FREM2: variants seen among roughly 807,000 people sequenced by gnomAD.
The protein encoded by FREM2 is FRAS1 related extracellular matrix 2, also known as FRAS1-related extracellular matrix protein 2.
A neutral mutation model predicts 219.9 loss-of-function variants in FREM2; 119 were observed. That is an observed-to-expected ratio of 0.54 (90% confidence interval 0.47 to 0.63). The LOEUF is 0.63. Among genes scored for constraint, FREM2 ranks in the 30% least tolerant of loss-of-function variants. The probability of loss-of-function intolerance (pLI) is 0.00; values close to 1 mark genes in which losing one functional copy is unlikely to be tolerated. For synonymous variants in FREM2, 1,562 were observed against 1,522.8 expected (o/e 1.03, Z -0.60); for missense variants, 4,030 against 3,993.6 (o/e 1.01, Z -0.25).
At chr13:38,809,096 T>C (rs978854916) in intron 6 of FREM2, among the ~76,000 whole-genome samples, 2 of 151,608 alleles carry the variant, frequency 1.3e-5, no homozygotes, top group African/African-American at 4.8e-5. Context: ...AAATTGTTAT[T>C]TTTTTTCTTT....
intron 2 of FREM2, among the ~76,000 whole-genome samples, chr13:38,759,346 A>G (rs1873139507): frequency 6.6e-6 from 1 of 152,088 alleles, no homozygotes; most frequent in South Asian, 2.1e-4. Context: ...AAATTGTGGC[A>G]CTAGTTTCAT....
chr13:38,689,819 G>A lies in FREM2; in HGVS notation c.2475G>A (p.Val825=), dbSNP rs1165274768. 1.9e-6 allele frequency: 3 copies of A among 1,614,088 alleles called. No homozygotes were observed. The highest frequency in any genetic ancestry group is 4.5e-5 in the East Asian group (2 of 44,868). Residue 825 remains valine, a synonymous_variant, in exon 1 of 24, where the codon GTG becomes GTA. Coordinates refer to ENST00000280481, the MANE Select transcript of FREM2 (RefSeq NM_207361.6). ...CCTTTACCCTTTACTTGCATCCCGT[G>A]GACAACCAGCCACCTGAGATCCTCA... ...PGTFTLYLHP[V]DNQPPEILNT...
In FREM2 at chr13:38,687,297, A is replaced by T. The variant is rs1400701248; in HGVS notation, c.-48A>T. 1.3e-6 allele frequency: 2 copies of T among 1,557,224 alleles called. No homozygotes were observed. The highest frequency in any genetic ancestry group is 2.7e-5 in the African/African-American group (2 of 72,950). ...TCTCTTGTTGTCTGCCCGGGGACCG[A>T]CTTCGCATGCTCTCAGGCTGACCTG... On this transcript the variant is annotated 5_prime_UTR_variant, in exon 1 of 24. Coordinates refer to ENST00000280481, the MANE Select transcript of FREM2 (RefSeq NM_207361.6).
Position 38,689,158 on chromosome 13 carries a change from T to C in FREM2, c.1814T>C (p.Leu605Ser). The C allele has an allele frequency of 6.2e-7, 1 of 1,613,944 alleles. No homozygotes were observed. Among genetic ancestry groups the C allele is most frequent in the Non-Finnish European group, 8.5e-7 (1 of 1,180,020 alleles). Residue 605 changes from leucine (L) to serine (S), a missense_variant, in exon 1 of 24, where the codon TTA (leucine) becomes TCA (serine). Coordinates refer to ENST00000280481, the MANE Select transcript of FREM2 (RefSeq NM_207361.6). ...CTTTTTGTGCTGGAGTCACCCTTCTTAACTACGGGGCATCTGCTTCTCCGC... is the reference window on the plus strand; with the variant it reads ...CTTTTTGTGCTGGAGTCACCCTTCTCAACTACGGGGCATCTGCTTCTCCGC... ...LLLFVLESPF[L>S]TTGHLLLRQT... is the part of the protein sequence containing the mutation.
intron 2 of FREM2, among the ~76,000 whole-genome samples, chr13:38,738,565 C>CAAAA (rs71074478): frequency 2.1e-5 from 1 of 48,462 alleles, no homozygotes; most frequent in Non-Finnish European, 4.3e-5. Context: ...GACTCCATCT[C>CAAAA]AAAAAAAAAA....
intron 6 of FREM2, among the ~76,000 whole-genome samples, chr13:38,799,595 G>C (rs902382022): frequency 1.3e-5 from 2 of 151,936 alleles, no homozygotes; most frequent in South Asian, 2.1e-4. Context: ...ATTGCTGTCT[G>C]TGTTTTTCTT....
chr13:38,819,352 T>C (rs138505534), intron 6 of FREM2, among the ~76,000 whole-genome samples: 1 of 152,264 alleles, frequency 6.6e-6, no homozygotes, highest in Admixed American at 6.5e-5. Context: ...TTCACCACCA[T>C]TACCAGAAAA....
At chr13:38,710,500 C>T (rs1375186662) in intron 2 of FREM2, among the ~76,000 whole-genome samples, 1 of 152,158 alleles carries the variant, frequency 6.6e-6, no homozygotes, top group Non-Finnish European at 1.5e-5. Flanking sequence ...GTTAATCAAT[C>T]GAGATGCATT....
chr13:38,846,695 C>T lies in FREM2; in HGVS notation c.6142C>T (p.Arg2048Trp), dbSNP rs768764795. 59 of 1,613,624 alleles carry T rather than the reference C, an allele frequency of 3.7e-5. No individual in the cohort carries two copies. Among genetic ancestry groups the T allele is most frequent in the East Asian group, 2.7e-4 (12 of 44,876 alleles). ...SKSSSVTVRS[R>W]KTDPPSADAG... is the part of the protein sequence containing the mutation. ...GTCTTCTAGTGTCACAGTGAGGTCT[C>T]GGAAAACAGATCCTCCCTCTGCAGA... Residue 2048 changes from arginine to tryptophan, a missense_variant, in exon 7 of 24, where the codon CGG becomes TGG. By Grantham distance (101) the Arg-to-Trp change is moderately radical. Coordinates refer to ENST00000280481, the MANE Select transcript of FREM2 (RefSeq NM_207361.6).
At chr13:38,760,465 A>G (rs192294224) in intron 2 of FREM2, among the ~76,000 whole-genome samples, 1 of 152,316 alleles carries the variant, frequency 6.6e-6, no homozygotes, top group Admixed American at 6.5e-5. Flanking sequence ...AACCATCCAC[A>G]AAGGAAGTGG....
intron 11 of FREM2, among the ~76,000 whole-genome samples, chr13:38,852,320 G>A (rs183237463): frequency 1.7e-4 from 26 of 152,218 alleles, no homozygotes; most frequent in African/African-American, 6.0e-4. Context: ...AACACAATGG[G>A]ATTTATTTCC....
chr13:38,842,494 A>G (rs1336852281), intron 6 of FREM2, among the ~76,000 whole-genome samples: 1 of 152,214 alleles, frequency 6.6e-6, no homozygotes, highest in East Asian at 1.9e-4. Context: ...TGGATTGATT[A>G]GGCAATACAG....
intron 1 of FREM2, among the ~76,000 whole-genome samples, chr13:38,696,332 G>T (rs1870105213): frequency 1.3e-5 from 2 of 152,118 alleles, no homozygotes; most frequent in Non-Finnish European, 2.9e-5. Flanking sequence ...CTGTAAAGTG[G>T]AGCTATAGAA....
At chr13:38,778,178 T>C (rs1224490576) in intron 4 of FREM2, among the ~76,000 whole-genome samples, 1 of 152,180 alleles carries the variant, frequency 6.6e-6, no homozygotes, top group Non-Finnish European at 1.5e-5. Context: ...TAGAATGAAT[T>C]ATGAATAATC....
chr13:38,747,783 G>A (rs1456421962), intron 2 of FREM2, among the ~76,000 whole-genome samples: 1 of 152,128 alleles, frequency 6.6e-6, no homozygotes, highest in Non-Finnish European at 1.5e-5. Context: ...AGGAAAAAGT[G>A]CAGACTAGGA....
intron 4 of FREM2, among the ~76,000 whole-genome samples, chr13:38,772,547 A>G (rs1311957389): frequency 1.3e-5 from 2 of 152,196 alleles, no homozygotes; most frequent in East Asian, 1.9e-4. Context: ...AGCACATTAT[A>G]TACGTTCTCT....
chr13:38,690,017 C>T lies in FREM2; in HGVS notation c.2673C>T (p.His891=). The change falls in exon 1 of 24, where the codon CAC becomes CAT. Residue 891 remains histidine (H), a synonymous_variant. Coordinates refer to ENST00000280481, the MANE Select transcript of FREM2 (RefSeq NM_207361.6). ...TCCTGCATGTAGGGGGTCTCTTCCA[C>T]TTGGAGGACATAAAACAGGGCCGAG... ...GQILHVGGLF[H]LEDIKQGRVS... The T allele has an allele frequency of 6.2e-7, 1 of 1,614,016 alleles. No individual in the cohort carries two copies. Among genetic ancestry groups the T allele is most frequent in the Non-Finnish European group, 8.5e-7 (1 of 1,180,026 alleles).
chr13:38,687,778 G>C lies in FREM2; in HGVS notation c.434G>C (p.Ser145Thr). The C allele has an allele frequency of 6.5e-7, 1 of 1,537,648 alleles. No homozygotes were observed. The highest frequency in any genetic ancestry group is 8.8e-7 in the Non-Finnish European group (1 of 1,138,358). The change falls in exon 1 of 24, where the codon AGC (serine) becomes ACC (threonine). Residue 145 changes from serine to threonine, a missense_variant. Ser to Thr is a moderately conservative substitution (Grantham distance 58). This residue lies in a region of FREM2 where 3,102 missense variants were observed against 2,950.7 expected (regional missense o/e 1.05). Transcript: ENST00000280481. ...EVRYSHLGAR[S>T]PSRDRVRLQL... The stretch of plus-strand genomic sequence containing the variant: ...CGCTACTCTCACCTGGGCGCGCGCA[G>C]CCCGTCTCGGGACCGCGTCCGGCTG...
chr13:38,866,388 C>T (rs993893359), intron 16 of FREM2, among the ~76,000 whole-genome samples: 1 of 152,070 alleles, frequency 6.6e-6, no homozygotes, highest in Non-Finnish European at 1.5e-5. Flanking sequence ...ATCCCAGCTA[C>T]TCAGGAGGCT....
Sources: gnomAD v4.1 joint callset for allele counts (sites outside exome capture counted in the v4.1 genomes callset) on GRCh38, gnomAD v4.1.1 for gene constraint, gnomAD v4.1.1 regional missense constraint, MANE v1.5 for transcripts, NCBI Gene and HGNC (gene_info 2026-07-23, HGNC 2026-07-21) for gene names.